The following AQP9 variants were observed in gnomAD, a reference collection of about 807,000 sequenced individuals.
The protein encoded by AQP9 is aquaporin-9.
AQP9 carries 19 observed loss-of-function variants against 23.8 expected under a neutral mutation model. That is an observed-to-expected ratio of 0.80 (90% CI 0.56 to 1.17). AQP9 has a LOEUF of 1.17. Ranked by LOEUF, AQP9 falls within the 50% of genes most tolerant of loss-of-function variation. The pLI is 0.00. For synonymous variants in AQP9, 153 were observed against 131.5 expected (o/e 1.16, Z -1.12); for missense variants, 413 against 362.0 (o/e 1.14, Z -1.14).
chr15:58,157,357 A>G (rs1898285209), intron 1 of AQP9, among the ~76,000 whole-genome samples: 1 of 152,224 alleles, frequency 6.6e-6, no homozygotes, highest in Admixed American at 6.5e-5. Context: ...AACAATAATG[A>G]ATACATACCA....
chr15:58,171,592 T>G (rs1478559420), intron 2 of AQP9, among the ~76,000 whole-genome samples: 2 of 152,100 alleles, frequency 1.3e-5, no homozygotes, highest in African/African-American at 4.8e-5. Context: ...AACACAACAG[T>G]TGAAGTGTTT....
chr15:58,141,967 G>A (rs1465471120), intron 1 of AQP9, among the ~76,000 whole-genome samples: 1 of 152,200 alleles, frequency 6.6e-6, no homozygotes, highest in East Asian at 1.9e-4. Flanking sequence ...TTTTGGTCTA[G>A]TACATTATTT....
At chr15:58,159,297 G>C (rs113266528) in intron 1 of AQP9, among the ~76,000 whole-genome samples, 9,762 of 151,588 alleles carry the variant, frequency 0.064, 826 homozygotes, top group African/African-American at 0.2. Flanking sequence ...TTTTTTTTTA[G>C]TAAGATTCCC....
chr15:58,165,968 G>C (rs1021084915), intron 1 of AQP9, among the ~76,000 whole-genome samples: 1 of 152,198 alleles, frequency 6.6e-6, no homozygotes, highest in African/African-American at 2.4e-5. Flanking sequence ...GGTCCTGATT[G>C]CCAAATCTAT....
chr15:58,153,411 A>C (rs1280499575), intron 1 of AQP9: 2 of 152,110 alleles, frequency 1.3e-5, no homozygotes, highest in Admixed American at 1.3e-4. Flanking sequence ...TAATCTATGA[A>C]TCCAAACCTT....
intron 1 of AQP9, chr15:58,154,439 CAAAT>C (rs1566982985): frequency 1.3e-5 from 2 of 152,030 alleles, no homozygotes; most frequent in African/African-American, 4.8e-5. Context: ...TAAATACTGA[CAAAT>C]AACGTTCAAC....
intron 1 of AQP9, among the ~76,000 whole-genome samples, chr15:58,160,495 T>G (rs1393193189): frequency 1.3e-5 from 2 of 152,196 alleles, no homozygotes; most frequent in African/African-American, 4.8e-5. Flanking sequence ...TTTTGTGCCC[T>G]TGCTTAAGTT....
chr15:58,160,882 G>A (rs193218021), intron 1 of AQP9, among the ~76,000 whole-genome samples: 172 of 152,294 alleles, frequency 1.1e-3, no homozygotes, highest in African/African-American at 4.0e-3. Flanking sequence ...TCTTCTGAAA[G>A]GTGCAGCATA....
chr15:58,156,003 C>T (rs1266662787), intron 1 of AQP9: 11 of 152,166 alleles, frequency 7.2e-5, no homozygotes, highest in Admixed American at 7.2e-4. Context: ...TTATGCACTT[C>T]TCAACTATCT....
intron 1 of AQP9, among the ~76,000 whole-genome samples, chr15:58,164,786 A>G (rs535475971): frequency 7.9e-5 from 12 of 152,272 alleles, no homozygotes; most frequent in African/African-American, 2.6e-4. Flanking sequence ...TTCTATGTGT[A>G]TTAAATATCT....
At chr15:58,183,859 G>A in intron 5 of AQP9, 102 bp from the exon 6 acceptor site, 2 of 1,349,204 alleles carry the variant, frequency 1.5e-6, no homozygotes, top group East Asian at 2.3e-5. Flanking sequence ...AGTTAAGAGG[G>A]AACCATGAGT....
intron 1 of AQP9, among the ~76,000 whole-genome samples, chr15:58,160,968 G>A (rs540555468): frequency 6.6e-6 from 1 of 152,330 alleles, no homozygotes; most frequent in African/African-American, 2.4e-5. Context: ...CATGGCTGAT[G>A]CAGAAGATCT....
At chr15:58,178,288 G>C (rs1566990862) in intron 4 of AQP9, among the ~76,000 whole-genome samples, 2 of 151,958 alleles carry the variant, frequency 1.3e-5, no homozygotes, top group South Asian at 4.1e-4. Context: ...AATGTTATAA[G>C]TATTTTTAAA....
chr15:58,165,509 G>A (rs1462263306), intron 1 of AQP9, among the ~76,000 whole-genome samples: 1 of 152,158 alleles, frequency 6.6e-6, no homozygotes, highest in Non-Finnish European at 1.5e-5. Context: ...TATTCATGGA[G>A]AGAGATCATG....
chr15:58,176,877 A>G (rs2140630402), intron 4 of AQP9, among the ~76,000 whole-genome samples: 1 of 152,208 alleles, frequency 6.6e-6, no homozygotes, highest in East Asian at 1.9e-4. Context: ...CCAAAGCTGT[A>G]TCTTGATCAA....
intron 1 of AQP9, among the ~76,000 whole-genome samples, chr15:58,164,864 A>G (rs985237293): frequency 3.9e-5 from 6 of 152,182 alleles, no homozygotes; most frequent in Admixed American, 3.3e-4. Flanking sequence ...TTTAGAATTA[A>G]TTCATCACAA....
chr15:58,149,959 T>C (rs552829269), intron 1 of AQP9, among the ~76,000 whole-genome samples: 10 of 152,226 alleles, frequency 6.6e-5, no homozygotes, highest in Admixed American at 1.3e-4. Flanking sequence ...CTCCAGGAGC[T>C]AGGACTGCAT....
At position 58,184,073 on chromosome 15, in the gene AQP9, G is replaced by A; in HGVS notation, c.826G>A (p.Val276Ile). Residue 276 changes from valine (V) to isoleucine (I), a missense_variant, in exon 6 of 6, where the codon GTC (valine) becomes ATC (isoleucine). By Grantham distance (29) the Val-to-Ile change is conservative (BLOSUM62 3). Coordinates refer to ENST00000219919, the MANE Select transcript of AQP9 (RefSeq NM_020980.5). ...AATCCACCATCCAGAGCCTGACTCA[G>A]TCTTTAAGACAGAACAATCTGAGGA... ...IEIHHPEPDS[V>I]FKTEQSEDKP... The A allele has an allele frequency of 6.2e-7, 1 of 1,614,134 alleles. No homozygotes were observed. Among genetic ancestry groups the A allele is most frequent in the Admixed American group, 1.7e-5 (1 of 60,028 alleles).
At chr15:58,142,474 G>A (rs1487421398) in intron 1 of AQP9, among the ~76,000 whole-genome samples, 1 of 152,240 alleles carries the variant, frequency 6.6e-6, no homozygotes, top group African/African-American at 2.4e-5. Flanking sequence ...TCGTGGTGGG[G>A]ATATTTTACA....
Sources: allele counts gnomAD v4.1 joint callset (sites outside exome capture counted in the v4.1 genomes callset), GRCh38; gene constraint gnomAD v4.1.1; transcripts MANE v1.5; gene names NCBI Gene and HGNC (gene_info 2026-07-23, HGNC 2026-07-21).